COL8A1: variants seen among roughly 807,000 people sequenced by gnomAD.
COL8A1 encodes the protein collagen type VIII alpha 1 chain.
A neutral mutation model predicts 42.7 loss-of-function variants in COL8A1; 21 were observed. That is an observed-to-expected ratio of 0.49 (90% CI 0.35 to 0.71). COL8A1 has a LOEUF of 0.71. Among genes scored for constraint, COL8A1 ranks in the 30% least tolerant of loss-of-function variants. The pLI, the probability that COL8A1 is intolerant of heterozygous loss-of-function variation, is 0.01. For missense variants in COL8A1, 788 were observed against 962.4 expected, an observed-to-expected ratio of 0.82 and a Z score of 2.40; for synonymous variants, 367 against 369.1, an observed-to-expected ratio of 0.99 and a Z score of 0.06.
Position 99,795,700 on chromosome 3 carries a change from C to A in COL8A1, c.1799C>A (p.Ala600Asp), listed in dbSNP as rs1942092742. ...LGIDGVKPPH[A>D]YGAKKGKNGG... is the part of the protein sequence containing the mutation. ...ATTGATGGCGTGAAACCCCCCCATG[C>A]CTACGGGGCTAAGAAAGGCAAGAAT... Residue 600 changes from alanine (A) to aspartate (D), a missense_variant, in exon 4 of 4, where the codon GCC becomes GAC. Ala to Asp is a moderately radical substitution (Grantham distance 126). Around this residue, in one of 4 missense-constraint regions of COL8A1, gnomAD observed 212 missense variants for 210.9 expected, o/e 1.00. Coordinates refer to ENST00000652472, the MANE Select transcript of COL8A1 (RefSeq NM_020351.4). 4 of 1,613,982 alleles carry A rather than the reference C, an allele frequency of 2.5e-6. No individual in the cohort carries two copies. The highest frequency in any genetic ancestry group is 3.4e-6 in the Non-Finnish European group (4 of 1,180,012).
chr3:99,643,834 G>A (rs758644940), intron 1 of COL8A1, among the ~76,000 whole-genome samples: 4 of 152,134 alleles, frequency 2.6e-5, no homozygotes, highest in Admixed American at 6.5e-5. Context: ...GATTTACAGC[G>A]TAACTCTCCT....
chr3:99,684,360 T>G (rs879466846), intron 1 of COL8A1, among the ~76,000 whole-genome samples: 4 of 152,222 alleles, frequency 2.6e-5, no homozygotes, highest in Admixed American at 2.6e-4. Flanking sequence ...TAAGGCTATC[T>G]GTCTAGCTAC....
intron 1 of COL8A1, among the ~76,000 whole-genome samples, chr3:99,672,577 T>G (rs1938579662): frequency 6.6e-6 from 1 of 151,916 alleles, no homozygotes; most frequent in Non-Finnish European, 1.5e-5. Context: ...TTTTTTTTAG[T>G]GTGCCCTTGT....
At chr3:99,725,710 C>T (rs1940294874) in intron 1 of COL8A1, among the ~76,000 whole-genome samples, 1 of 151,658 alleles carries the variant, frequency 6.6e-6, no homozygotes, top group African/African-American at 2.4e-5. Flanking sequence ...TGATGCTTTC[C>T]AGTTTCATCC....
intron 1 of COL8A1, among the ~76,000 whole-genome samples, chr3:99,659,008 C>A (rs995529352): frequency 1.3e-5 from 2 of 152,116 alleles, no homozygotes; most frequent in Non-Finnish European, 2.9e-5. Context: ...TTCAAGCCAG[C>A]ATTCTAGGTG....
At chr3:99,643,359 T>A (rs1937549235) in intron 1 of COL8A1, among the ~76,000 whole-genome samples, 1 of 152,206 alleles carries the variant, frequency 6.6e-6, no homozygotes, top group Non-Finnish European at 1.5e-5. Flanking sequence ...AAGTCAATGG[T>A]CATCACCATC....
chr3:99,750,049 C>CTTTTTTTTTTTTTT (rs1176042144), intron 2 of COL8A1, among the ~76,000 whole-genome samples: 11 of 65,966 alleles, frequency 1.7e-4, no homozygotes, highest in Admixed American at 2.5e-4. Context: ...TTTTTTTCTT[C>CTTTTTTTTTTTTTT]TTTTTTTTTT....
At chr3:99,779,497 A>G (rs1279357116) in intron 2 of COL8A1, among the ~76,000 whole-genome samples, 4 of 152,184 alleles carry the variant, frequency 2.6e-5, no homozygotes, top group Non-Finnish European at 5.9e-5. Context: ...AAATGTCTTC[A>G]GTTCTCTGAA....
At chr3:99,649,513 T>C (rs1216440344) in intron 1 of COL8A1, among the ~76,000 whole-genome samples, 1 of 152,214 alleles carries the variant, frequency 6.6e-6, no homozygotes, top group African/African-American at 2.4e-5. Flanking sequence ...GAAGCCTTGA[T>C]GTGATTGGGG....
Position 99,795,058 on chromosome 3 carries a change from G to T in COL8A1, c.1157G>T (p.Gly386Val), listed in dbSNP as rs376381702. 6.2e-7 allele frequency: 1 copy of T among 1,609,548 alleles called. No homozygotes were observed. Among genetic ancestry groups the T allele is most frequent in the African/African-American group, 1.3e-5 (1 of 74,590 alleles). ...GGACCAATAGGTGCCCCAGGAATAG[G>T]GGGTCCTCCAGGAGAGCCAGGCCTG... ...EKGPIGAPGI[G>V]GPPGEPGLPG... Residue 386 changes from glycine to valine, a missense_variant, in exon 4 of 4, where the codon GGG becomes GTG. Coordinates refer to ENST00000652472, the MANE Select transcript of COL8A1 (RefSeq NM_020351.4).
intron 1 of COL8A1, among the ~76,000 whole-genome samples, chr3:99,704,543 G>A (rs1359057981): frequency 1.3e-5 from 2 of 152,216 alleles, no homozygotes; most frequent in East Asian, 3.9e-4. Context: ...AAATTGCAAA[G>A]ATAGTAGTTA....
chr3:99,734,806 T>G (rs188741035), intron 1 of COL8A1, among the ~76,000 whole-genome samples: 29 of 152,276 alleles, frequency 1.9e-4, no homozygotes, highest in African/African-American at 6.0e-4. Context: ...TCCATTTGTT[T>G]GTATCCTCTT....
intron 1 of COL8A1, among the ~76,000 whole-genome samples, chr3:99,675,279 T>C (rs1197718412): frequency 6.6e-6 from 1 of 152,100 alleles, no homozygotes; most frequent in Admixed American, 6.6e-5. Context: ...CTATCTTTCC[T>C]TCCTTATTTT....
intron 1 of COL8A1, among the ~76,000 whole-genome samples, chr3:99,653,919 A>C (rs187728317): frequency 1.4e-4 from 22 of 152,234 alleles, no homozygotes; most frequent in Non-Finnish European, 2.8e-4. Flanking sequence ...TTACTGGCTC[A>C]CATGATCACA....
At position 99,675,664 on chromosome 3, in the gene COL8A1, C is replaced by G. The variant is rs1411329866; in HGVS notation, c.-129+37000C>G. On this transcript the variant is annotated intron_variant, in intron 1 of 3. Coordinates refer to ENST00000652472, the MANE Select transcript of COL8A1 (RefSeq NM_020351.4). ...AACATCATCCTCTTCATCCAGGGAGCTCACACGTTCACCAACTCACCCTTG... is the reference window on the plus strand; with the variant it reads ...AACATCATCCTCTTCATCCAGGGAGGTCACACGTTCACCAACTCACCCTTG... The G allele has an allele frequency of 2.0e-5, 3 of 152,556 alleles. No homozygotes were observed. In the East Asian group the frequency reaches 5.8e-4, roughly 29 times the overall value. The allele number at this position is 152,556 out of a possible 1,614,324, so 9.5% of individuals were successfully genotyped here.
chr3:99,702,013 C>A, intron 1 of COL8A1, among the ~76,000 whole-genome samples: 1 of 152,162 alleles, frequency 6.6e-6, no homozygotes, highest in East Asian at 1.9e-4. Flanking sequence ...AAGCCACTAA[C>A]TATGCATGAA....
chr3:99,646,145 G>C (rs1256982407), intron 1 of COL8A1, among the ~76,000 whole-genome samples: 1 of 152,136 alleles, frequency 6.6e-6, no homozygotes, highest in African/African-American at 2.4e-5. Flanking sequence ...CAGCTGTGTG[G>C]GGATGGCTTG....
At chr3:99,765,248 A>C (rs1366619343) in intron 2 of COL8A1, among the ~76,000 whole-genome samples, 2 of 152,138 alleles carry the variant, frequency 1.3e-5, no homozygotes, top group East Asian at 3.9e-4. Context: ...CCCTTCTCAG[A>C]ATAACAGGAA....
intron 1 of COL8A1, among the ~76,000 whole-genome samples, chr3:99,708,813 T>A (rs532006719): frequency 6.6e-6 from 1 of 152,304 alleles, no homozygotes; most frequent in African/African-American, 2.4e-5. Context: ...GTAGTGGGAA[T>A]AGTCTGAGGG....
Sources: gnomAD v4.1 joint callset for allele counts (sites outside exome capture counted in the v4.1 genomes callset) on GRCh38, gnomAD v4.1.1 for gene constraint, gnomAD v4.1.1 regional missense constraint, MANE v1.5 for transcripts, NCBI Gene and HGNC (gene_info 2026-07-23, HGNC 2026-07-21) for gene names.